The following SKAP2 variants were observed in gnomAD, a reference collection of about 807,000 sequenced individuals.
SKAP2 encodes the protein src kinase-associated phosphoprotein 2.
SKAP2 carries 28 observed loss-of-function variants against 54.9 expected under a neutral mutation model. The ratio of observed to expected loss-of-function variants is 0.51; its 90% CI spans 0.38 to 0.70. The LOEUF is 0.70. SKAP2 is among the 30% of genes least tolerant of loss of function. The pLI is 0.00. For missense variants in SKAP2, 356 were observed against 424.1 expected (o/e 0.84, Z 1.41); for synonymous variants, 137 against 134.3 (o/e 1.02, Z -0.14).
chr7:26,700,694 C>T lies in SKAP2; in HGVS notation c.797-10332G>A, dbSNP rs146591979. 5.9e-5 allele frequency among the ~76,000 whole-genome samples: 9 copies of T among 152,298 alleles called. No homozygotes were observed. The South Asian group carries it at 6.2e-4, about 11-fold the overall frequency. ...TAGTCTGGCCTTCTTCACTTTCATC[C>T]GGCGTATGTCCTAAGATCACTCATC... On this transcript the variant is annotated intron_variant, in intron 9 of 12. Transcript: ENST00000345317.
rs920023758 is a variant in SKAP2 at position 26,732,833 on chromosome 7, C to T, written c.470-5827G>A. 6.6e-5 allele frequency among the ~76,000 whole-genome samples: 10 copies of T among 152,152 alleles called. No homozygotes were observed. The South Asian group carries it at 1.0e-3, about 16-fold the overall frequency. On this transcript the variant is annotated intron_variant, in intron 6 of 12. Transcript: ENST00000345317. ...TGTAGAAGTGAGACTAGATATCAAA[C>T]CAACAACATTCGTGGTCATCAGACC...
At chr7:26,849,620 G>C (rs189625440) in intron 3 of SKAP2, among the ~76,000 whole-genome samples, 127 of 151,042 alleles carry the variant, frequency 8.4e-4, no homozygotes, top group African/African-American at 3.0e-3. Flanking sequence ...AGGAGGTAGA[G>C]GTTGTAGTGA....
intron 9 of SKAP2, among the ~76,000 whole-genome samples, chr7:26,715,757 T>G (rs1471552607): frequency 6.6e-6 from 1 of 152,006 alleles, no homozygotes; most frequent in African/African-American, 2.4e-5. Flanking sequence ...CCAGCCTGGG[T>G]GACAAGAACA....
chr7:26,675,715 G>T (rs1329081669), intron 11 of SKAP2, among the ~76,000 whole-genome samples: 1 of 152,216 alleles, frequency 6.6e-6, no homozygotes, highest in Admixed American at 6.5e-5. Flanking sequence ...CATAGTTAAA[G>T]AATTGTAGTA....
At chr7:26,722,872 C>T (rs1186787672) in intron 9 of SKAP2, among the ~76,000 whole-genome samples, 1 of 152,168 alleles carries the variant, frequency 6.6e-6, no homozygotes, top group African/African-American at 2.4e-5. Context: ...TTAGATTTCT[C>T]TTCAAATACA....
At chr7:26,757,369 CCAGTTT>C (rs1444984566) in intron 4 of SKAP2, among the ~76,000 whole-genome samples, 1 of 152,134 alleles carries the variant, frequency 6.6e-6, no homozygotes, top group Non-Finnish European at 1.5e-5. Flanking sequence ...AGGAAGGGAT[CCAGTTT>C]CAGCTTTCTA....
At chr7:26,761,734 A>C (rs2127971100) in intron 4 of SKAP2, among the ~76,000 whole-genome samples, 1 of 152,286 alleles carries the variant, frequency 6.6e-6, no homozygotes, top group Non-Finnish European at 1.5e-5. Context: ...CCCTGTCTCT[A>C]CTAAAAATAG....
At chr7:26,656,497 G>A in the SKAP2 span, among the ~76,000 whole-genome samples, 1 of 152,160 alleles carries the variant, frequency 6.6e-6, no homozygotes, top group South Asian at 2.1e-4. Context: ...GAGCAGACAA[G>A]TGTACAAACA....
chr7:26,721,784 T>C (rs1787583419), intron 9 of SKAP2, among the ~76,000 whole-genome samples: 1 of 151,944 alleles, frequency 6.6e-6, no homozygotes, highest in Admixed American at 6.6e-5. Context: ...TTCCTGCCAT[T>C]AAAGAAAAAA....
At chr7:26,728,836 A>C (rs897049327) in intron 6 of SKAP2, among the ~76,000 whole-genome samples, 4 of 152,120 alleles carry the variant, frequency 2.6e-5, no homozygotes, top group African/African-American at 9.7e-5. Flanking sequence ...CAGGGACCAG[A>C]TTTAGAGGAA....
chr7:26,711,800 C>T (rs1025258578), intron 9 of SKAP2, among the ~76,000 whole-genome samples: 3 of 152,146 alleles, frequency 2.0e-5, no homozygotes, highest in South Asian at 2.1e-4. Context: ...GTTGGCACCA[C>T]GTAGAATAGG....
chr7:26,713,669 G>A (rs559799421), intron 9 of SKAP2, among the ~76,000 whole-genome samples: 74 of 151,570 alleles, frequency 4.9e-4, no homozygotes, highest in Middle Eastern at 3.4e-3. Flanking sequence ...GCGCGATCTC[G>A]GCTCACTGCA....
chr7:26,810,662 C>CATAT (rs756112844), intron 4 of SKAP2, among the ~76,000 whole-genome samples: 1 of 151,324 alleles, frequency 6.6e-6, no homozygotes, highest in East Asian at 1.9e-4. Flanking sequence ...TGCTGTGTAC[C>CATAT]ATATATATAT....
intron 4 of SKAP2, among the ~76,000 whole-genome samples, chr7:26,827,273 G>A (rs564476097): frequency 1.9e-4 from 29 of 152,136 alleles, no homozygotes; most frequent in African/African-American, 6.3e-4. Flanking sequence ...TTTAAATATG[G>A]CATTATATGT....
chr7:26,672,542 A>T (rs185990637), intron 11 of SKAP2, among the ~76,000 whole-genome samples: 46 of 152,160 alleles, frequency 3.0e-4, no homozygotes, highest in Non-Finnish European at 2.4e-4. Context: ...GGAAACATAC[A>T]CTTGATAAAA....
chr7:26,796,818 C>T (rs558374404), intron 4 of SKAP2, among the ~76,000 whole-genome samples: 4 of 152,244 alleles, frequency 2.6e-5, no homozygotes, highest in African/African-American at 9.6e-5. Context: ...CAACAACAGG[C>T]TATTAGTAGT....
chr7:26,842,890 A>C (rs991861209), intron 4 of SKAP2, among the ~76,000 whole-genome samples: 2 of 151,986 alleles, frequency 1.3e-5, no homozygotes, highest in African/African-American at 4.8e-5. Context: ...AGCAAAAAAA[A>C]ACCCTCCCTT....
At chr7:26,754,788 C>A (rs1408170738) in intron 4 of SKAP2, among the ~76,000 whole-genome samples, 3 of 152,166 alleles carry the variant, frequency 2.0e-5, no homozygotes, top group Non-Finnish European at 4.4e-5. Flanking sequence ...CCCTCATTTG[C>A]CCTGTAAGGC....
At chr7:26,767,752 T>G (rs1436487538) in intron 4 of SKAP2, among the ~76,000 whole-genome samples, 2 of 152,228 alleles carry the variant, frequency 1.3e-5, no homozygotes, top group Non-Finnish European at 1.5e-5. Context: ...CTGTTCAGTT[T>G]CCATGTAGTT....
Sources: allele counts gnomAD v4.1 joint callset (sites outside exome capture counted in the v4.1 genomes callset), GRCh38; gene constraint gnomAD v4.1.1; transcripts MANE v1.5; gene names NCBI Gene and HGNC (gene_info 2026-07-23, HGNC 2026-07-21).